Variants in LRP1B observed in about 807,000 individuals in gnomAD.
LRP1B encodes the protein LDL receptor related protein 1B, also known as low-density lipoprotein receptor-related protein 1B.
LRP1B carries 217 observed loss-of-function variants against 556.6 expected under a neutral mutation model. The observed-to-expected ratio is 0.39, with a 90% CI of 0.35 to 0.44. The LOEUF is 0.44. Ranked by LOEUF, LRP1B falls within the 20% of genes least tolerant of loss-of-function variation. The pLI is 1.00. For synonymous variants in LRP1B, 2,047 were observed against 1,865.8 expected, an observed-to-expected ratio of 1.10 and a Z score of -2.50; for missense variants, 5,053 against 5,620.8, an observed-to-expected ratio of 0.90 and a Z score of 3.23.
intron 3 of LRP1B, among the ~76,000 whole-genome samples, chr2:141,458,713 A>G (rs1681734325): frequency 6.6e-6 from 1 of 152,118 alleles, no homozygotes. Flanking sequence ...TGACTCACTT[A>G]TAGACCAAGT....
intron 1 of LRP1B, among the ~76,000 whole-genome samples, chr2:142,037,830 A>G (rs1703938245): frequency 6.6e-6 from 1 of 151,624 alleles, no homozygotes; most frequent in Admixed American, 6.6e-5. Flanking sequence ...GCAGAGAAAC[A>G]AATCAGAACA....
intron 66 of LRP1B, among the ~76,000 whole-genome samples, chr2:140,394,406 A>G (rs1684164401): frequency 1.3e-5 from 2 of 152,108 alleles, no homozygotes; most frequent in South Asian, 4.1e-4. Flanking sequence ...CTGAGGAGGC[A>G]GTACAGGGAT....
intron 18 of LRP1B, among the ~76,000 whole-genome samples, chr2:140,957,508 G>GAA (rs11381647): frequency 1.3e-5 from 2 of 151,228 alleles, no homozygotes. Context: ...GAAGTGCAAG[G>GAA]AAAAAATATT....
In LRP1B at chr2:141,024,770, C is replaced by A. The variant is rs867691309; in HGVS notation, c.1790-4668G>T. On this transcript the variant is annotated intron_variant, in intron 11 of 90. Transcript: ENST00000389484. ...ATGGCACAACAAGCAGGATGGTCAT[C>A]AGCAGATTGGTGTCAGTTCCCTTTA... 1.2e-4 allele frequency among the ~76,000 whole-genome samples: 18 copies of A among 151,946 alleles called. No homozygotes were observed. The South Asian group carries it at 1.5e-3, about 12-fold the overall frequency.
rs191819698 is a variant in LRP1B at position 141,573,016 on chromosome 2, C to A, written c.206-92483G>T. ...TAATATTGGGATACTTTAACACCCA[C>A]CTGTCAGTATTAGACAGATCAATGA... On this transcript the variant is annotated intron_variant, in intron 2 of 90. Coordinates refer to ENST00000389484, the MANE Select transcript of LRP1B (RefSeq NM_018557.3). Among the ~76,000 whole-genome samples, 312 of 152,262 alleles carry A rather than the reference C, an allele frequency of 2.0e-3. 1 individual carries two copies. The highest frequency in any genetic ancestry group is 7.2e-3 in the African/African-American group (298 of 41,560).
intron 1 of LRP1B, among the ~76,000 whole-genome samples, chr2:141,858,427 T>A (rs1235052706): frequency 6.6e-6 from 1 of 152,130 alleles, no homozygotes; most frequent in Non-Finnish European, 1.5e-5. Flanking sequence ...ACACAGAAAA[T>A]TTAGACAATT....
At chr2:140,707,036 A>G (rs1370958739) in intron 37 of LRP1B, among the ~76,000 whole-genome samples, 1 of 152,270 alleles carries the variant, frequency 6.6e-6, no homozygotes, top group African/African-American at 2.4e-5. Context: ...TATACTCTAC[A>G]TATGTGAACA....
chr2:140,985,951 C>T (rs992562313), intron 17 of LRP1B, among the ~76,000 whole-genome samples: 1 of 151,822 alleles, frequency 6.6e-6, no homozygotes, highest in African/African-American at 2.4e-5. Flanking sequence ...ATTTCCCTCC[C>T]TCTCTTTCCA....
intron 66 of LRP1B, among the ~76,000 whole-genome samples, chr2:140,415,387 C>T (rs776268487): frequency 2.6e-5 from 4 of 152,132 alleles, no homozygotes; most frequent in Non-Finnish European, 5.9e-5. Flanking sequence ...GATCTTTGTA[C>T]CTACTCCCTG....
chr2:140,878,992 AAAAAAAAAAAAAAG>A (rs987426777), intron 25 of LRP1B, among the ~76,000 whole-genome samples: 3 of 7,702 alleles, frequency 3.9e-4, no homozygotes, highest in Non-Finnish European at 3.3e-3. Context: ...CTGTTTCCAA[AAAAAAAAAAAAAAG>A]AAAAAGAAAA....
intron 41 of LRP1B, among the ~76,000 whole-genome samples, chr2:140,614,167 A>C (rs493859): frequency 0.087 from 13,153 of 151,900 alleles, 860 homozygotes; most frequent in African/African-American, 0.18. Context: ...CTTTTAAATC[A>C]CTCAGTCACC....
At chr2:140,909,225 C>T (rs1189965054) in intron 21 of LRP1B, among the ~76,000 whole-genome samples, 1 of 151,868 alleles carries the variant, frequency 6.6e-6, no homozygotes, top group Non-Finnish European at 1.5e-5. Flanking sequence ...TTTAAATGTA[C>T]CTAAAGATAA....
rs35806990 is a variant in LRP1B, at chr2:140,261,057, G to GTATATA, written c.13247+9179_13247+9184dup. On this transcript the variant is annotated intron_variant, in intron 86 of 90. Transcript: ENST00000389484. Reference sequence around the variant, plus strand: ...TGGTGAGATATATATATATGTGTGTGTATATATATATAATATATATGATGA... The same window carrying GTATATA: ...TGGTGAGATATATATATATGTGTGTGTATATATATATATATATAATATATATGATGA... Among the ~76,000 whole-genome samples the GTATATA allele has an allele frequency of 2.6e-3, 387 of 149,566 alleles. 1 individual carries two copies. The highest frequency in any genetic ancestry group is 8.9e-3 in the African/African-American group (361 of 40,704).
chr2:142,087,566 TTATA>T (rs1247203523), intron 1 of LRP1B, among the ~76,000 whole-genome samples: 1 of 151,360 alleles, frequency 6.6e-6, no homozygotes, highest in Non-Finnish European at 1.5e-5. Flanking sequence ...TTTCATTTCA[TTATA>T]TAAATATAAT....
chr2:141,218,153 T>C (rs1477153313), intron 6 of LRP1B, among the ~76,000 whole-genome samples: 2 of 152,088 alleles, frequency 1.3e-5, no homozygotes, highest in Admixed American at 6.6e-5. Flanking sequence ...TAGTTCTCGA[T>C]TGCAGAAAAA....
intron 63 of LRP1B, among the ~76,000 whole-genome samples, chr2:140,447,898 G>GGA (rs1686731895): frequency 6.6e-6 from 1 of 151,932 alleles, no homozygotes; most frequent in Non-Finnish European, 1.5e-5. Flanking sequence ...CCAAGGACAG[G>GGA]GAGAGAGAGA....
chr2:140,836,762 A>G (rs1691918181), intron 31 of LRP1B, among the ~76,000 whole-genome samples: 1 of 152,226 alleles, frequency 6.6e-6, no homozygotes, highest in Admixed American at 6.5e-5. Context: ...GTATTTAAAA[A>G]AAAAGTATTG....
chr2:140,609,191 G>A (rs892563057), intron 41 of LRP1B, among the ~76,000 whole-genome samples: 1 of 152,114 alleles, frequency 6.6e-6, no homozygotes, highest in South Asian at 2.1e-4. Context: ...CCAAGGAGAG[G>A]CTGTGAGACC....
chr2:141,679,607 C>A (rs555853944), intron 2 of LRP1B, among the ~76,000 whole-genome samples: 2 of 152,100 alleles, frequency 1.3e-5, no homozygotes, highest in African/African-American at 2.4e-5. Flanking sequence ...TCTAAAGAAA[C>A]ACTTTTATGT....
Sources: gnomAD v4.1 joint callset for allele counts (sites outside exome capture counted in the v4.1 genomes callset) on GRCh38, gnomAD v4.1.1 for gene constraint, MANE v1.5 for transcripts, NCBI Gene and HGNC (gene_info 2026-07-23, HGNC 2026-07-21) for gene names.